The following U2SURP variants were observed in gnomAD, a reference collection of about 807,000 sequenced individuals.
The protein encoded by U2SURP is U2 snRNP associated SURP domain containing.
In U2SURP, 9 loss-of-function variants were observed where a neutral mutation model predicts 144.9. The observed-to-expected ratio is 0.06, with a 90% CI of 0.04 to 0.11. The LOEUF (loss-of-function observed/expected upper bound fraction) is 0.11. U2SURP is among the 10% of genes least tolerant of loss of function. The probability of loss-of-function intolerance (pLI) is 1.00; values close to 1 mark genes in which losing one functional copy is unlikely to be tolerated. For synonymous variants in U2SURP, 408 were observed against 396.8 expected (o/e 1.03, Z -0.33); for missense variants, 724 against 1,226.7 (o/e 0.59, Z 6.12).
intron 16 of U2SURP, 72 bp downstream of exon 16, chr3:143,028,718 T>C (rs1933302512): frequency 7.6e-7 from 1 of 1,316,312 alleles, no homozygotes; most frequent in African/African-American, 1.5e-5. Context: ...AATGGTCTTA[T>C]TAAGATGTTA....
chr3:143,046,770 T>C (rs1175602016), intron 24 of U2SURP, among the ~76,000 whole-genome samples: 2 of 126,482 alleles, frequency 1.6e-5, no homozygotes, highest in African/African-American at 6.8e-5. Context: ...TCCCCACCTT[T>C]CCCCCCCTTC....
intron 24 of U2SURP, among the ~76,000 whole-genome samples, chr3:143,048,292 G>A (rs550520254): frequency 6.6e-6 from 1 of 152,186 alleles, no homozygotes; most frequent in Non-Finnish European, 1.5e-5. Flanking sequence ...TATAAGTAGG[G>A]ATTGTATAGT....
chr3:143,039,726 C>T (rs1018999966), intron 23 of U2SURP, among the ~76,000 whole-genome samples: 36 of 151,404 alleles, frequency 2.4e-4, no homozygotes, highest in African/African-American at 8.5e-4. Flanking sequence ...AAGAGAAAAC[C>T]CCTGTGTGTC....
intron 16 of U2SURP, among the ~76,000 whole-genome samples, chr3:143,030,933 A>AT (rs1464506177): frequency 1.3e-5 from 2 of 152,188 alleles, no homozygotes; most frequent in Non-Finnish European, 2.9e-5. Flanking sequence ...TTTTTTGCCT[A>AT]TAAAAATCGA....
intron 25 of U2SURP, among the ~76,000 whole-genome samples, chr3:143,051,449 G>C (rs904001673): frequency 1.3e-5 from 2 of 151,994 alleles, no homozygotes; most frequent in Non-Finnish European, 2.9e-5. Context: ...ATTTCTCATG[G>C]TTTCCAGGGA....
Position 143,010,869 on chromosome 3 carries a change from G to C in U2SURP, c.90+10G>C, listed in dbSNP as rs753800668. On this transcript the variant is annotated intron_variant, in intron 2 of 27. Coordinates refer to ENST00000473835, the MANE Select transcript of U2SURP (RefSeq NM_001080415.2). The stretch of plus-strand genomic sequence containing the variant: ...ATCTTCAGATGCACATGTGAGTATA[G>C]AAGGCAATCTTTGTCTTTTTTCCTT... 24 of 1,599,132 alleles carry C rather than the reference G, an allele frequency of 1.5e-5. No individual in the cohort carries two copies. The African/African-American group carries it at 2.8e-4, about 19-fold the overall frequency.
chr3:143,052,683 A>G (rs1016125339), intron 25 of U2SURP, among the ~76,000 whole-genome samples: 2 of 152,252 alleles, frequency 1.3e-5, no homozygotes, highest in African/African-American at 4.8e-5. Flanking sequence ...CCCACAAAGC[A>G]GAGAGCATTT....
chr3:143,047,008 C>A (rs1420909711), intron 24 of U2SURP, among the ~76,000 whole-genome samples: 1 of 140,046 alleles, frequency 7.1e-6, no homozygotes, highest in Non-Finnish European at 1.5e-5. Context: ...CTGACCCCCC[C>A]ACCTCCCTCC....
chr3:143,004,844 T>A (rs1935753531), intron 1 of U2SURP, among the ~76,000 whole-genome samples: 2 of 152,268 alleles, frequency 1.3e-5, no homozygotes, highest in South Asian at 4.1e-4. Context: ...TGTTTGTTTA[T>A]CACTAGTCTA....
intron 23 of U2SURP, 22 bp from the exon 24 acceptor site, chr3:143,043,095 T>G: frequency 1.3e-6 from 2 of 1,587,276 alleles, no homozygotes; most frequent in Non-Finnish European, 1.7e-6. Flanking sequence ...TGACATACAA[T>G]GTATTCTGCT....
chr3:143,043,118 C>G lies in U2SURP; in HGVS notation c.2386C>G (p.Gln796Glu), dbSNP rs753092946. ...AATGTATTCTGCTTGTTTCTAAAGTCAAGAAGAAGAAAGTGAAGATGAAGA... is the reference window on the plus strand; with the variant it reads ...AATGTATTCTGCTTGTTTCTAAAGTGAAGAAGAAGAAAGTGAAGATGAAGA... ...EESEEEENQN[Q>E]EEESEDEEDT... is the part of the protein sequence containing the mutation. Residue 796 changes from glutamine to glutamate, a missense_variant and splice_region_variant, in exon 24 of 28, where the codon CAA becomes GAA. By Grantham distance (29) the Gln-to-Glu change is conservative. Around this residue, in one of 13 missense-constraint regions of U2SURP, gnomAD observed 50 missense variants for 48.0 expected, o/e 1.04. Transcript: ENST00000473835. 1.9e-6 allele frequency: 3 copies of G among 1,600,438 alleles called. No homozygotes were observed. Among genetic ancestry groups the G allele is most frequent in the African/African-American group, 1.3e-5 (1 of 74,506 alleles).
chr3:143,021,653 C>A, intron 10 of U2SURP, 98 bp downstream of exon 10: 1 of 1,186,486 alleles, frequency 8.4e-7, no homozygotes, highest in Non-Finnish European at 1.2e-6. Flanking sequence ...GCTGACAAAT[C>A]TGATGGAATT....
At chr3:143,013,785 C>G (rs977663414) in intron 3 of U2SURP, among the ~76,000 whole-genome samples, 5 of 151,924 alleles carry the variant, frequency 3.3e-5, no homozygotes, top group African/African-American at 1.2e-4. Context: ...TTAATCCCAG[C>G]AAAGAATGAA....
chr3:143,058,295 T>A lies in U2SURP; in HGVS notation c.*1845T>A, dbSNP rs1470502027. ...ATTGGTCAGGTAATAATCTTTCCAG[T>A]CAAGTTGCAAGGGATGCTTATTTCT... On this transcript the variant is annotated 3_prime_UTR_variant, in exon 28 of 28. Transcript: ENST00000473835. 6.6e-6 allele frequency: 1 copy of A among 151,898 alleles called. No homozygotes were observed. Among genetic ancestry groups the A allele is most frequent in the African/African-American group, 2.4e-5 (1 of 41,418 alleles). 9.4% of individuals were successfully genotyped at this position (151,898 alleles called of 1,614,324 possible).
chr3:143,021,357 G>A lies in U2SURP; in HGVS notation c.741G>A (p.Ala247=), dbSNP rs777782608. 2.5e-6 allele frequency: 4 copies of A among 1,597,106 alleles called. No individual in the cohort carries two copies. Among genetic ancestry groups the A allele is most frequent in the Admixed American group, 1.7e-5 (1 of 57,600 alleles). The change falls in exon 9 of 28, where the codon GCG becomes GCA. Residue 247 remains alanine, a synonymous_variant. Transcript: ENST00000473835. ...DSDGQRRSMD[A]PSRRNRSSGV... is the part of the protein sequence containing the mutation. ...TCTTTTCTCCCCTTTAAGTGGACGC[G>A]CCTTCAAGAAGAAATAGATCATCTG...
intron 6 of U2SURP, chr3:143,017,262 A>G (rs1022615692): frequency 3.7e-5 from 9 of 241,816 alleles, no homozygotes; most frequent in Non-Finnish European, 7.0e-5. Flanking sequence ...AAAATTGACT[A>G]TATTTGACTT....
At chr3:143,001,993 C>T (rs545862729) in intron 1 of U2SURP, among the ~76,000 whole-genome samples, 1 of 152,356 alleles carries the variant, frequency 6.6e-6, no homozygotes, top group African/African-American at 2.4e-5. Context: ...TCTCAGCTTC[C>T]TGCGCCCTGA....
At position 143,016,408 on chromosome 3, in the gene U2SURP, C is replaced by T. The variant is rs1434297777; in HGVS notation, c.436+37C>T. On this transcript the variant is annotated intron_variant, in intron 5 of 27. Transcript: ENST00000473835. ...AAGTATAACTGCTAATAAAGCATAACTGTATTACAGTTTTTGAGCGAGCCC... is the reference window on the plus strand; with the variant it reads ...AAGTATAACTGCTAATAAAGCATAATTGTATTACAGTTTTTGAGCGAGCCC... 7 of 1,564,868 alleles carry T rather than the reference C, an allele frequency of 4.5e-6. No individual in the cohort carries two copies. In the South Asian group the frequency reaches 4.5e-5, roughly 10 times the overall value.
chr3:143,056,173 T>C, intron 27 of U2SURP, 139 bp from the exon 28 acceptor site: 1 of 844,560 alleles, frequency 1.2e-6, no homozygotes, highest in South Asian at 1.9e-5. Context: ...CAATAGAGTT[T>C]AAATTTTAGA....
Sources: allele counts gnomAD v4.1 joint callset (sites outside exome capture counted in the v4.1 genomes callset), GRCh38; gene constraint gnomAD v4.1.1; regional missense constraint gnomAD v4.1.1; transcripts MANE v1.5; gene names NCBI Gene and HGNC (gene_info 2026-07-23, HGNC 2026-07-21).